Variants in FBXL7 observed in about 807,000 individuals in gnomAD.
FBXL7 encodes the protein F-box and leucine rich repeat protein 7, also known as F-box/LRR-repeat protein 7.
A neutral mutation model predicts 38.3 loss-of-function variants in FBXL7; 12 were observed. That is an observed-to-expected ratio of 0.31 (90% CI 0.20 to 0.51). The LOEUF (loss-of-function observed/expected upper bound fraction) is 0.51. Ranked by LOEUF, FBXL7 falls within the 20% of genes least tolerant of loss-of-function variation. The pLI is 0.98. For synonymous variants in FBXL7, 297 were observed against 300.9 expected, an observed-to-expected ratio of 0.99 and a Z score of 0.13; for missense variants, 567 against 676.4, an observed-to-expected ratio of 0.84 and a Z score of 1.79.
At chr5:15,857,115 C>T (rs1243009773) in intron 2 of FBXL7, among the ~76,000 whole-genome samples, 3 of 152,100 alleles carry the variant, frequency 2.0e-5, no homozygotes, top group South Asian at 2.1e-4. Flanking sequence ...GTCAGTAAAC[C>T]CTAACCAAAT....
At chr5:15,727,688 C>CT (rs1735446605) in intron 2 of FBXL7, among the ~76,000 whole-genome samples, 1 of 152,030 alleles carries the variant, frequency 6.6e-6, no homozygotes, top group African/African-American at 2.4e-5. Flanking sequence ...AATAATGAAT[C>CT]TTGGTATGGG....
At chr5:15,638,797 T>A (rs891952666) in intron 2 of FBXL7, among the ~76,000 whole-genome samples, 2 of 152,178 alleles carry the variant, frequency 1.3e-5, no homozygotes, top group African/African-American at 4.8e-5. Flanking sequence ...TGCTGATTGC[T>A]AGAAATTTCC....
rs548765519 is a variant in FBXL7 at position 15,541,087 on chromosome 5, T to A, written c.37+40374T>A. On this transcript the variant is annotated intron_variant, in intron 1 of 3. Transcript: ENST00000504595. ...GTGTGTGTGCATATATGTGTGCACA[T>A]AGGAGTATGTATATGCATATACATT... Among the ~76,000 whole-genome samples, 8 of 151,920 alleles carry A rather than the reference T, an allele frequency of 5.3e-5. No individual in the cohort carries two copies. The South Asian group carries it at 1.5e-3, about 28-fold the overall frequency.
At chr5:15,533,684 T>C (rs1302872258) in intron 1 of FBXL7, among the ~76,000 whole-genome samples, 1 of 152,168 alleles carries the variant, frequency 6.6e-6, no homozygotes, top group Non-Finnish European at 1.5e-5. Flanking sequence ...GTGCCAGTAT[T>C]GTATAAGATG....
At chr5:15,740,480 A>T (rs1225693073) in intron 2 of FBXL7, among the ~76,000 whole-genome samples, 3 of 152,180 alleles carry the variant, frequency 2.0e-5, no homozygotes, top group Admixed American at 2.0e-4. Flanking sequence ...TCCCCCATTC[A>T]GGCACAGAGC....
At position 15,912,530 on chromosome 5, in the gene FBXL7, T is replaced by C. The variant is rs186215613; in HGVS notation, c.128-15360T>C. Among the ~76,000 whole-genome samples, 848 of 152,188 alleles carry C rather than the reference T, an allele frequency of 5.6e-3. 12 individuals carry two copies. Among genetic ancestry groups the C allele is most frequent in the African/African-American group, 0.019 (795 of 41,508 alleles). On this transcript the variant is annotated intron_variant, in intron 2 of 3. Transcript: ENST00000504595. The stretch of plus-strand genomic sequence containing the variant: ...GCTGTAGACCGGAGCTGTTCCTATT[T>C]GGCCATCTTGGCTCCTCCCCACCGA...
rs536855261 is a variant in FBXL7 at position 15,539,874 on chromosome 5, T to C, written c.37+39161T>C. On this transcript the variant is annotated intron_variant, in intron 1 of 3. Transcript: ENST00000504595. Reference sequence around the variant, plus strand: ...TTTATAAGAATCCTGCATTTTATTCTGTTTATGGATTTTTAGAAAATACAA... The same window carrying C: ...TTTATAAGAATCCTGCATTTTATTCCGTTTATGGATTTTTAGAAAATACAA... Among the ~76,000 whole-genome samples the C allele has an allele frequency of 9.8e-5, 15 of 152,332 alleles. No individual in the cohort carries two copies. In the South Asian group the frequency reaches 3.1e-3, roughly 32 times the overall value.
intron 2 of FBXL7, among the ~76,000 whole-genome samples, chr5:15,843,394 T>A (rs1486550747): frequency 6.6e-6 from 1 of 152,200 alleles, no homozygotes; most frequent in Non-Finnish European, 1.5e-5. Flanking sequence ...GTCATAGATT[T>A]CACCTCTGTT....
chr5:15,753,913 C>G (rs898709929), intron 2 of FBXL7, among the ~76,000 whole-genome samples: 2 of 152,212 alleles, frequency 1.3e-5, no homozygotes, highest in African/African-American at 2.4e-5. Flanking sequence ...GATATAGGCT[C>G]TAGCCTTGAC....
chr5:15,610,845 C>T (rs1740209441), intron 1 of FBXL7, among the ~76,000 whole-genome samples: 1 of 152,124 alleles, frequency 6.6e-6, no homozygotes, highest in Admixed American at 6.5e-5. Context: ...TTCACAATAA[C>T]CCTATGAGGC....
In FBXL7 at chr5:15,937,220, A is replaced by C; in HGVS notation, c.*34A>C. On this transcript the variant is annotated 3_prime_UTR_variant, in exon 4 of 4. Coordinates refer to ENST00000504595, the MANE Select transcript of FBXL7 (RefSeq NM_012304.5). ...AGTTCATCCGGCGTTGTATTCACAC[A>C]AACCTGAACAAAGCAAATTTTTTTA... is the stretch of plus-strand genomic sequence containing the variant. 3.3e-6 allele frequency: 5 copies of C among 1,507,384 alleles called. No individual in the cohort carries two copies. The highest frequency in any genetic ancestry group is 4.4e-6 in the Non-Finnish European group (5 of 1,130,256). 93.4% of individuals were successfully genotyped at this position (1,507,384 alleles called of 1,614,324 possible). A position where few individuals can be genotyped will look rare whatever the true frequency, so the allele number is the denominator to read the frequency against.
chr5:15,637,535 T>C (rs960914782), intron 2 of FBXL7, among the ~76,000 whole-genome samples: 4 of 152,242 alleles, frequency 2.6e-5, no homozygotes, highest in African/African-American at 4.8e-5. Context: ...TCTTCAGTTC[T>C]TTCAATGGTA....
chr5:15,836,096 G>A (rs908538776), intron 2 of FBXL7, among the ~76,000 whole-genome samples: 3 of 152,248 alleles, frequency 2.0e-5, no homozygotes, highest in South Asian at 2.1e-4. Flanking sequence ...CCTAGATGTC[G>A]AGGATGTCAG....
chr5:15,758,197 A>G (rs1736349257), intron 2 of FBXL7, among the ~76,000 whole-genome samples: 1 of 152,122 alleles, frequency 6.6e-6, no homozygotes, highest in South Asian at 2.1e-4. Flanking sequence ...AGAAATAAGT[A>G]TCAAATGCTT....
intron 2 of FBXL7, among the ~76,000 whole-genome samples, chr5:15,645,941 T>C (rs1378261596): frequency 6.6e-6 from 1 of 152,230 alleles, no homozygotes; most frequent in African/African-American, 2.4e-5. Context: ...AACAATCATG[T>C]GCGGCCAGTT....
chr5:15,794,906 G>A (rs1224764411), intron 2 of FBXL7, among the ~76,000 whole-genome samples: 1 of 152,222 alleles, frequency 6.6e-6, no homozygotes, highest in East Asian at 1.9e-4. Context: ...AGGCCAGAGA[G>A]CAAGCAGGGT....
At chr5:15,617,701 A>C (rs1237356952) in intron 2 of FBXL7, among the ~76,000 whole-genome samples, 1 of 152,274 alleles carries the variant, frequency 6.6e-6, no homozygotes, top group South Asian at 2.1e-4. Flanking sequence ...AGCCTCCCAA[A>C]GTGCTGGGAT....
chr5:15,615,940 GAAAT>G, intron 1 of FBXL7, 39 bp from the exon 2 acceptor site: 2 of 1,436,608 alleles, frequency 1.4e-6, no homozygotes, highest in Non-Finnish European at 2.0e-6. Flanking sequence ...GTCCAGGTCT[GAAAT>G]TACAAATCTC....
At chr5:15,685,415 A>G (rs1477535131) in intron 2 of FBXL7, among the ~76,000 whole-genome samples, 1 of 152,178 alleles carries the variant, frequency 6.6e-6, no homozygotes, top group Non-Finnish European at 1.5e-5. Context: ...GGAGCAGAAA[A>G]CCATAGGCAA....
Sources: allele counts gnomAD v4.1 joint callset (sites outside exome capture counted in the v4.1 genomes callset), GRCh38; gene constraint gnomAD v4.1.1; transcripts MANE v1.5; gene names NCBI Gene and HGNC (gene_info 2026-07-23, HGNC 2026-07-21).